The following SND1 variants were observed in gnomAD, a reference collection of about 807,000 sequenced individuals.
SND1 encodes staphylococcal nuclease and tudor domain containing 1.
In SND1, 38 loss-of-function variants were observed where a neutral mutation model predicts 121.7. The ratio of observed to expected loss-of-function variants is 0.31; its 90% CI spans 0.24 to 0.41. The LOEUF (loss-of-function observed/expected upper bound fraction) is 0.41, where lower values mean the gene tolerates loss of function less well. Ranked by LOEUF, SND1 falls within the 10% of genes least tolerant of loss-of-function variation. The probability of loss-of-function intolerance (pLI) is 1.00; values close to 1 mark genes in which losing one functional copy is unlikely to be tolerated. For missense variants in SND1, 868 were observed against 1,184.6 expected (o/e 0.73, Z 3.92); for synonymous variants, 401 against 447.4 (o/e 0.90, Z 1.31).
At position 128,081,500 on chromosome 7, in the gene SND1, C is replaced by G. The variant is rs1038704250; in HGVS notation, c.2109C>G (p.Thr703=). 3.1e-6 allele frequency: 5 copies of G among 1,613,566 alleles called. No homozygotes were observed. The highest frequency in any genetic ancestry group is 4.2e-6 in the Non-Finnish European group (5 of 1,179,930). Residue 703 remains threonine, a splice_region_variant and synonymous_variant, in exon 18 of 24, where the codon ACC becomes ACG. Coordinates refer to ENST00000354725, the MANE Select transcript of SND1 (RefSeq NM_014390.4). ...DLHFYVQDVE[T]GTQLEKLMEN... ...ACTTCTACGTGCAGGATGTGGAGACCGGTGAGTGCTCAGGCCGCTGGCTCG... is the reference window on the plus strand; with the variant it reads ...ACTTCTACGTGCAGGATGTGGAGACGGGTGAGTGCTCAGGCCGCTGGCTCG...
intron 13 of SND1, among the ~76,000 whole-genome samples, chr7:127,893,600 C>T (rs995104719): frequency 6.6e-6 from 1 of 152,048 alleles, no homozygotes; most frequent in African/African-American, 2.4e-5. Context: ...TATTGAACAA[C>T]CTAGTGTCTG....
rs1491586706 is a variant in SND1, at chr7:128,016,143, TCC to T, written c.1779+25088_1779+25089del. Among the ~76,000 whole-genome samples the T allele has an allele frequency of 5.1e-5, 7 of 138,422 alleles. No individual in the cohort carries two copies. In the East Asian group the frequency reaches 1.3e-3, roughly 25 times the overall value. 90.8% of individuals were successfully genotyped at this position (138,422 alleles called of 152,430 possible). Reference sequence around the variant, plus strand: ...GCTGCTTAAATAGGGAGGAACAACTTCCTTTTTTTTTTTTTTTTTTTAAGAGA... The same window carrying T: ...GCTGCTTAAATAGGGAGGAACAACTTTTTTTTTTTTTTTTTTTTTAAGAGA... On this transcript the variant is annotated intron_variant, in intron 16 of 23. Coordinates refer to ENST00000354725, the MANE Select transcript of SND1 (RefSeq NM_014390.4).
rs1018639263 is a variant in SND1, at chr7:128,028,520, C to T, written c.1779+37464C>T. 8 of 658,860 alleles carry T rather than the reference C, an allele frequency of 1.2e-5. No homozygotes were observed. In the Admixed American group the frequency reaches 2.2e-4, roughly 18 times the overall value. The allele number at this position is 658,860 out of a possible 1,614,324, so 40.8% of individuals were successfully genotyped here. A position where few individuals can be genotyped will look rare whatever the true frequency, so the allele number is the denominator to read the frequency against. Reference sequence around the variant, plus strand: ...AAGTTAGAAAATATTTTTGTTTTGACTTTTTGTCTTTAAATTTTAATATAA... The same window carrying T: ...AAGTTAGAAAATATTTTTGTTTTGATTTTTTGTCTTTAAATTTTAATATAA... On this transcript the variant is annotated intron_variant, in intron 16 of 23. Coordinates refer to ENST00000354725, the MANE Select transcript of SND1 (RefSeq NM_014390.4).
intron 1 of SND1, among the ~76,000 whole-genome samples, chr7:127,667,203 A>T (rs1340887011): frequency 1.3e-5 from 2 of 152,158 alleles, no homozygotes; most frequent in African/African-American, 4.8e-5. Flanking sequence ...TTCTTTAGAG[A>T]TGATTCACTC....
intron 16 of SND1, among the ~76,000 whole-genome samples, chr7:128,054,970 T>G (rs1372377927): frequency 6.6e-6 from 1 of 152,248 alleles, no homozygotes; most frequent in Non-Finnish European, 1.5e-5. Flanking sequence ...AAGATGGATG[T>G]CTGCAGTGTA....
chr7:128,053,106 A>G (rs1793074445), intron 16 of SND1, among the ~76,000 whole-genome samples: 1 of 152,244 alleles, frequency 6.6e-6, no homozygotes. Context: ...AGAGAGTCTC[A>G]TTAGAGACAC....
At chr7:127,665,369 A>G (rs1795397442) in intron 1 of SND1, among the ~76,000 whole-genome samples, 1 of 151,890 alleles carries the variant, frequency 6.6e-6, no homozygotes, top group Admixed American at 6.6e-5. Flanking sequence ...TTGTATTTTT[A>G]GTAGAGATGG....
intron 17 of SND1, among the ~76,000 whole-genome samples, chr7:128,079,638 G>T (rs1296065778): frequency 6.6e-6 from 1 of 152,250 alleles, no homozygotes; most frequent in Non-Finnish European, 1.5e-5. Context: ...TCTAGTGGAA[G>T]AACACACGCT....
At chr7:127,695,107 A>T (rs974416671) in intron 3 of SND1, among the ~76,000 whole-genome samples, 159 bp downstream of exon 3, 10 of 152,120 alleles carry the variant, frequency 6.6e-5, no homozygotes, top group Non-Finnish European at 1.5e-5. Context: ...AGCACAGGGA[A>T]TATATGTGTA....
chr7:127,814,233 T>G (rs534694873), intron 11 of SND1, among the ~76,000 whole-genome samples: 3 of 152,330 alleles, frequency 2.0e-5, no homozygotes, highest in Admixed American at 1.3e-4. Flanking sequence ...ATGCTTACTC[T>G]CTGCAAACCA....
intron 12 of SND1, among the ~76,000 whole-genome samples, chr7:127,860,885 T>A (rs1799365306): frequency 6.6e-6 from 1 of 152,218 alleles, no homozygotes; most frequent in African/African-American, 2.4e-5. Context: ...TTATAAAGAC[T>A]GAAGCCCAAA....
intron 15 of SND1, among the ~76,000 whole-genome samples, chr7:127,961,903 G>A (rs372920770): frequency 5.9e-5 from 9 of 152,292 alleles, no homozygotes; most frequent in East Asian, 3.9e-4. Flanking sequence ...TTTGTTGGCC[G>A]AAGCGCCTCT....
At chr7:127,764,813 TG>T (rs1797383057) in intron 10 of SND1, among the ~76,000 whole-genome samples, 1 of 152,152 alleles carries the variant, frequency 6.6e-6, no homozygotes, top group Non-Finnish European at 1.5e-5. Flanking sequence ...AATGGGCCCC[TG>T]GGAAATGTCT....
chr7:127,864,611 G>A (rs1799434637), intron 12 of SND1, among the ~76,000 whole-genome samples: 1 of 151,972 alleles, frequency 6.6e-6, no homozygotes, highest in Non-Finnish European at 1.5e-5. Context: ...ATTTCTTTCT[G>A]GTGTCTTTCT....
At chr7:128,005,437 C>T (rs999314534) in intron 16 of SND1, among the ~76,000 whole-genome samples, 2 of 152,220 alleles carry the variant, frequency 1.3e-5, no homozygotes, top group African/African-American at 4.8e-5. Context: ...ATTCTTTCAC[C>T]CGCCCCCTTG....
In SND1 at chr7:128,029,681, G is replaced by A. The variant is rs1792520182; in HGVS notation, c.1779+38625G>A. 1.9e-6 allele frequency: 3 copies of A among 1,613,830 alleles called. No homozygotes were observed. Among genetic ancestry groups the A allele is most frequent in the South Asian group, 2.2e-5 (2 of 91,084 alleles). On this transcript the variant is annotated intron_variant, in intron 16 of 23. Coordinates refer to ENST00000354725, the MANE Select transcript of SND1 (RefSeq NM_014390.4). This position sits in a 1 kb window ranked among gnomAD's most constrained non-coding sequence, Gnocchi z 4.2. ...AGCGGCCACAGCAGGTGGAATTGGT[G>A]GGTATATACTCTCGAAGCCACCAGG...
intron 16 of SND1, among the ~76,000 whole-genome samples, chr7:128,012,990 G>C (rs1803148165): frequency 6.6e-6 from 1 of 152,088 alleles, no homozygotes; most frequent in African/African-American, 2.4e-5. Context: ...TTCCGCCAGT[G>C]CCTGCCAGTG....
chr7:127,683,810 A>G (rs1795768924), intron 1 of SND1, among the ~76,000 whole-genome samples: 1 of 152,240 alleles, frequency 6.6e-6, no homozygotes, highest in Non-Finnish European at 1.5e-5. Context: ...TCAATGGTAT[A>G]AAAGGTGTAG....
At chr7:127,809,063 A>G (rs1798290271) in intron 11 of SND1, among the ~76,000 whole-genome samples, 1 of 152,240 alleles carries the variant, frequency 6.6e-6, no homozygotes, top group African/African-American at 2.4e-5. Flanking sequence ...ACCATAGATC[A>G]TAGCTTATTG....
Sources: gnomAD v4.1 joint callset for allele counts (sites outside exome capture counted in the v4.1 genomes callset) on GRCh38, gnomAD v4.1.1 for gene constraint, Gnocchi (gnomAD v3.1) non-coding constraint, MANE v1.5 for transcripts, NCBI Gene and HGNC (gene_info 2026-07-23, HGNC 2026-07-21) for gene names.